The following PAM variants were observed in gnomAD, a reference collection of about 807,000 sequenced individuals.
PAM encodes the protein peptidylglycine alpha-amidating monooxygenase.
In PAM, 72 loss-of-function variants were observed where a neutral mutation model predicts 122.1. That is an observed-to-expected ratio of 0.59 (90% CI 0.49 to 0.72). The LOEUF is 0.72. Ranked by LOEUF, PAM falls within the 30% of genes least tolerant of loss-of-function variation. The probability of loss-of-function intolerance (pLI) is 0.00; values close to 1 mark genes in which losing one functional copy is unlikely to be tolerated. For missense variants in PAM, 1,106 were observed against 1,183.7 expected (o/e 0.93, Z 0.96); for synonymous variants, 389 against 404.4 (o/e 0.96, Z 0.46).
intron 4 of PAM, among the ~76,000 whole-genome samples, chr5:102,908,000 T>G (rs1366605807): frequency 2.2e-4 from 34 of 151,980 alleles, no homozygotes; most frequent in African/African-American, 6.7e-4. Flanking sequence ...GTCAATTTTG[T>G]CTTTTGTTGC....
chr5:102,956,019 G>A (rs1387209536), intron 12 of PAM, among the ~76,000 whole-genome samples: 2 of 151,964 alleles, frequency 1.3e-5, no homozygotes, highest in African/African-American at 4.8e-5. Flanking sequence ...GAGTTACCTT[G>A]ACTACAAGTC....
chr5:102,984,869 T>G (rs926108677), intron 15 of PAM, among the ~76,000 whole-genome samples: 1 of 152,088 alleles, frequency 6.6e-6, no homozygotes, highest in African/African-American at 2.4e-5. Context: ...AAAATAGAAA[T>G]TATATCAAGT....
chr5:103,009,076 A>G (rs1278418277), intron 20 of PAM, among the ~76,000 whole-genome samples: 3 of 152,126 alleles, frequency 2.0e-5, no homozygotes, highest in Admixed American at 2.0e-4. Context: ...GTAGTGGTTC[A>G]ATCATCTGAA....
chr5:102,994,982 T>C (rs1582687711), intron 16 of PAM, among the ~76,000 whole-genome samples: 1 of 152,184 alleles, frequency 6.6e-6, no homozygotes, highest in Non-Finnish European at 1.5e-5. Context: ...TCCCCCCAGA[T>C]AGCTCACAAA....
At chr5:102,961,697 G>A (rs1479043060) in intron 14 of PAM, among the ~76,000 whole-genome samples, 2 of 151,952 alleles carry the variant, frequency 1.3e-5, no homozygotes, top group South Asian at 2.1e-4. Context: ...AGGTAGGAGC[G>A]ATTATTGTCT....
At chr5:102,794,976 G>A (rs1762982914) in intron 1 of PAM, among the ~76,000 whole-genome samples, 1 of 151,818 alleles carries the variant, frequency 6.6e-6, no homozygotes, top group African/African-American at 2.4e-5. Context: ...GATCACTTGT[G>A]CCCAGGAGTT....
Position 102,866,106 on chromosome 5 carries a change from G to C in PAM, c.-90G>C. On this transcript the variant is annotated 5_prime_UTR_variant, in exon 2 of 26. Transcript: ENST00000438793. ...CGCCGTGCCCGGGCCATGAAGTAGC[G>C]GCTGCTGGCGGCGCCGCTGCCCAAC... 4 of 778,880 alleles carry C rather than the reference G, an allele frequency of 5.1e-6. No homozygotes were observed. The highest frequency in any genetic ancestry group is 8.3e-6 in the Non-Finnish European group (4 of 479,866). 48.2% of individuals were successfully genotyped at this position (778,880 alleles called of 1,614,324 possible).
intron 12 of PAM, among the ~76,000 whole-genome samples, chr5:102,955,560 CTATTTA>C (rs1760433950): frequency 2.0e-5 from 3 of 152,014 alleles, no homozygotes; most frequent in Admixed American, 2.0e-4. Context: ...AGACCTAAAG[CTATTTA>C]TATTAAGTAT....
chr5:102,832,739 T>C (rs1233675356), intron 1 of PAM, among the ~76,000 whole-genome samples: 1 of 152,034 alleles, frequency 6.6e-6, no homozygotes, highest in Non-Finnish European at 1.5e-5. Context: ...AAAGAACTAG[T>C]TGGAGGAATA....
chr5:102,817,056 G>T (rs1299320799), intron 1 of PAM, among the ~76,000 whole-genome samples: 1 of 151,956 alleles, frequency 6.6e-6, no homozygotes, highest in African/African-American at 2.4e-5. Flanking sequence ...CTCCTATGGG[G>T]ATGCATGTTT....
rs1057085431 is a variant in PAM at position 102,974,404 on chromosome 5, G to T, written c.1451G>T (p.Gly484Val). The change falls in exon 15 of 26, where the codon GGT becomes GTT. Residue 484 changes from glycine (G) to valine (V), a missense_variant. Gly to Val is a moderately radical substitution (Grantham distance 109). This residue lies in a region of PAM where 670 missense variants were observed against 690.3 expected (regional missense o/e 0.97). Transcript: ENST00000438793. ...TTCTCATTACAGCAGCCCCCACCTG[G>T]TGAAGGCACCTGGGAACCAGAACAC... is the stretch of plus-strand genomic sequence containing the variant. The part of the protein sequence containing the change: ...RVFSLQQPPP[G>V]EGTWEPEHTG... 2 of 1,613,464 alleles carry T rather than the reference G, an allele frequency of 1.2e-6. No homozygotes were observed. Among genetic ancestry groups the T allele is most frequent in the Non-Finnish European group, 1.7e-6 (2 of 1,179,664 alleles).
intron 1 of PAM, among the ~76,000 whole-genome samples, chr5:102,845,555 A>G (rs531331732): frequency 6.6e-6 from 1 of 152,314 alleles, no homozygotes; most frequent in African/African-American, 2.4e-5. Flanking sequence ...ATAAAATCCG[A>G]TGGCTCCATT....
chr5:102,920,006 T>C (rs1746827788), intron 5 of PAM, among the ~76,000 whole-genome samples: 1 of 152,102 alleles, frequency 6.6e-6, no homozygotes, highest in African/African-American at 2.4e-5. Context: ...TTATGTTAAA[T>C]ACAGTAGCAA....
intron 1 of PAM, among the ~76,000 whole-genome samples, chr5:102,857,987 C>T (rs1561649595): frequency 6.6e-6 from 1 of 152,162 alleles, no homozygotes; most frequent in Non-Finnish European, 1.5e-5. Flanking sequence ...CTTGCTCTAT[C>T]ACTGTGTAAC....
At chr5:102,920,241 G>A (rs1746930560) in intron 5 of PAM, among the ~76,000 whole-genome samples, 1 of 152,004 alleles carries the variant, frequency 6.6e-6, no homozygotes. Context: ...TGTGTTTGGT[G>A]TAGTGTCTGG....
Position 103,017,369 on chromosome 5 carries a change from A to G in PAM, c.2367A>G (p.Glu789=). Residue 789 remains glutamate, a synonymous_variant, in exon 22 of 26, where the codon GAA becomes GAG. Transcript: ENST00000438793. ...FDMPHDIVAS[E]DGTVYIGDAH... ...TGCCTCATGATATTGTTGCATCTGA[A>G]GATGGGACTGTGTACATTGGAGATG... is the stretch of plus-strand genomic sequence containing the variant. 1 of 1,612,424 alleles carries G rather than the reference A, an allele frequency of 6.2e-7. No individual in the cohort carries two copies. Among genetic ancestry groups the G allele is most frequent in the Non-Finnish European group, 8.5e-7 (1 of 1,178,572 alleles).
intron 7 of PAM, among the ~76,000 whole-genome samples, chr5:102,927,392 A>G (rs1346632188): frequency 1.3e-5 from 2 of 152,206 alleles, no homozygotes; most frequent in Non-Finnish European, 2.9e-5. Flanking sequence ...TCACAGGTGT[A>G]AATATTAAGA....
intron 8 of PAM, among the ~76,000 whole-genome samples, chr5:102,947,147 C>G (rs975275069): frequency 3.3e-5 from 5 of 152,136 alleles, no homozygotes; most frequent in Non-Finnish European, 2.9e-5. Context: ...TGGGGAGGAG[C>G]CACTTCCAAC....
intron 1 of PAM, among the ~76,000 whole-genome samples, chr5:102,803,065 G>A (rs953021626): frequency 1.3e-5 from 2 of 151,778 alleles, no homozygotes; most frequent in Non-Finnish European, 2.9e-5. Context: ...TGAAACTGCA[G>A]TGTGCTGTAA....
Sources: allele counts gnomAD v4.1 joint callset (sites outside exome capture counted in the v4.1 genomes callset), GRCh38; gene constraint gnomAD v4.1.1; regional missense constraint gnomAD v4.1.1; transcripts MANE v1.5; gene names NCBI Gene and HGNC (gene_info 2026-07-23, HGNC 2026-07-21).